Variants in FYN observed in about 807,000 individuals in gnomAD.
FYN encodes FYN proto-oncogene, Src family tyrosine kinase.
A neutral mutation model predicts 70.2 loss-of-function variants in FYN; 10 were observed. The observed-to-expected ratio is 0.14, with a 90% CI of 0.09 to 0.24. The LOEUF is 0.24. FYN is among the 10% of genes least tolerant of loss of function. The pLI is 1.00. For missense variants in FYN, 319 were observed against 673.1 expected, an observed-to-expected ratio of 0.47 and a Z score of 5.82; for synonymous variants, 236 against 248.6, an observed-to-expected ratio of 0.95 and a Z score of 0.48.
At chr6:111,759,913 G>A (rs779054510) in intron 3 of FYN, 2 of 152,120 alleles carry the variant, frequency 1.3e-5, no homozygotes, top group South Asian at 2.1e-4. Context: ...TATTCTCTCC[G>A]CTGTGGTTTG....
intron 1 of FYN, among the ~76,000 whole-genome samples, chr6:111,857,756 T>C (rs1029274773): frequency 1.3e-5 from 2 of 152,224 alleles, no homozygotes; most frequent in East Asian, 3.9e-4. Flanking sequence ...AAAACTTTAG[T>C]TGCTTCAGGG....
At chr6:111,667,730 T>G (rs982862272) in intron 13 of FYN, among the ~76,000 whole-genome samples, 1 of 152,252 alleles carries the variant, frequency 6.6e-6, no homozygotes, top group Non-Finnish European at 1.5e-5. Context: ...CTTTCAGCTA[T>G]CTGAAAAAAT....
At chr6:111,852,459 A>G (rs1773710974) in intron 1 of FYN, among the ~76,000 whole-genome samples, 1 of 152,324 alleles carries the variant, frequency 6.6e-6, no homozygotes, top group Admixed American at 6.5e-5. Flanking sequence ...CCTCTCAAGA[A>G]GAACTGAAAT....
chr6:111,836,263 C>G (rs184839955), intron 2 of FYN, among the ~76,000 whole-genome samples: 1 of 151,996 alleles, frequency 6.6e-6, no homozygotes. Flanking sequence ...TAGGAGATGG[C>G]GATATGACGG....
chr6:111,662,513 G>T (rs577293721), intron 13 of FYN, among the ~76,000 whole-genome samples: 8 of 152,152 alleles, frequency 5.3e-5, no homozygotes, highest in African/African-American at 1.9e-4. Flanking sequence ...TATGTATGGG[G>T]TGGTGTGACT....
chr6:111,662,387 T>C (rs1459981585), intron 13 of FYN, among the ~76,000 whole-genome samples: 3 of 152,162 alleles, frequency 2.0e-5, no homozygotes, highest in Non-Finnish European at 2.9e-5. Context: ...AGACAGTAAA[T>C]ATTTTTGGCT....
chr6:111,792,153 A>AT (rs1337097096), intron 2 of FYN, among the ~76,000 whole-genome samples: 13 of 152,342 alleles, frequency 8.5e-5, no homozygotes, highest in African/African-American at 3.1e-4. Flanking sequence ...CTAAAAATCA[A>AT]TAAGGAAAAG....
intron 2 of FYN, among the ~76,000 whole-genome samples, chr6:111,787,106 T>C (rs1170787538): frequency 6.6e-6 from 1 of 152,224 alleles, no homozygotes; most frequent in Non-Finnish European, 1.5e-5. Flanking sequence ...TTTGTTGCCA[T>C]TGCTTTTGGT....
intron 3 of FYN, among the ~76,000 whole-genome samples, chr6:111,776,501 C>T (rs896503683): frequency 2.6e-5 from 4 of 152,158 alleles, no homozygotes; most frequent in Admixed American, 2.6e-4. Context: ...TTTTATCTTC[C>T]ATTTCTCTGG....
chr6:111,693,605 G>C (rs569122151), intron 12 of FYN, among the ~76,000 whole-genome samples: 1 of 152,258 alleles, frequency 6.6e-6, no homozygotes, highest in East Asian at 1.9e-4. Context: ...TTTACTTAAA[G>C]GCTAATTTCT....
intron 9 of FYN, among the ~76,000 whole-genome samples, chr6:111,698,877 G>C (rs553353392): frequency 1.3e-5 from 2 of 152,300 alleles, no homozygotes; most frequent in South Asian, 4.1e-4. Flanking sequence ...CAGGTCAGGA[G>C]ATCGAGACCA....
At chr6:111,859,936 TAA>T (rs1306651862) in intron 1 of FYN, among the ~76,000 whole-genome samples, 1 of 152,128 alleles carries the variant, frequency 6.6e-6, no homozygotes, top group African/African-American at 2.4e-5. Context: ...AGTTTCCTTG[TAA>T]GAGAGGAGAA....
chr6:111,689,604 T>C (rs1799213119), intron 12 of FYN, among the ~76,000 whole-genome samples: 1 of 152,096 alleles, frequency 6.6e-6, no homozygotes, highest in African/African-American at 2.4e-5. Context: ...TACTCAGCCA[T>C]GAAAAGAACT....
At chr6:111,678,943 C>A (rs191430157) in intron 12 of FYN, among the ~76,000 whole-genome samples, 1 of 152,256 alleles carries the variant, frequency 6.6e-6, no homozygotes, top group Admixed American at 6.5e-5. Context: ...AATTCACTAC[C>A]CTTCCTCTAG....
At chr6:111,704,343 C>T (rs974944478) in intron 6 of FYN, among the ~76,000 whole-genome samples, 1 of 152,110 alleles carries the variant, frequency 6.6e-6, no homozygotes, top group African/African-American at 2.4e-5. Flanking sequence ...TGTTTTCCTC[C>T]CCTCTAGACA....
At chr6:111,719,086 T>C (rs1176209811) in intron 4 of FYN, among the ~76,000 whole-genome samples, 1 of 152,180 alleles carries the variant, frequency 6.6e-6, no homozygotes, top group East Asian at 1.9e-4. Context: ...ACTTTTGCAA[T>C]AAACAAAATA....
intron 2 of FYN, among the ~76,000 whole-genome samples, chr6:111,804,563 T>C (rs1379868439): frequency 6.6e-6 from 1 of 152,264 alleles, no homozygotes; most frequent in Non-Finnish European, 1.5e-5. Context: ...AAACACACCA[T>C]GCCCTAAATT....
At chr6:111,684,487 G>T (rs1798908420) in intron 12 of FYN, among the ~76,000 whole-genome samples, 1 of 152,196 alleles carries the variant, frequency 6.6e-6, no homozygotes, top group Admixed American at 6.5e-5. Flanking sequence ...CAGGGGCAAG[G>T]CTGGACTCTA....
chr6:111,713,569 G>A (rs1475612636), intron 5 of FYN, among the ~76,000 whole-genome samples: 4 of 151,922 alleles, frequency 2.6e-5, no homozygotes, highest in South Asian at 4.2e-4. Flanking sequence ...TCAGAACCTA[G>A]ATTTTTTTCT....
Sources: gnomAD v4.1 joint callset for allele counts (sites outside exome capture counted in the v4.1 genomes callset) on GRCh38, gnomAD v4.1.1 for gene constraint, MANE v1.5 for transcripts, NCBI Gene and HGNC (gene_info 2026-07-23, HGNC 2026-07-21) for gene names.